Variants in PIK3R4 observed in about 807,000 individuals in gnomAD.
The protein encoded by PIK3R4 is phosphoinositide-3-kinase regulatory subunit 4.
A neutral mutation model predicts 136.5 loss-of-function variants in PIK3R4; 46 were observed. The ratio of observed to expected loss-of-function variants is 0.34; its 90% CI spans 0.27 to 0.43. The LOEUF (loss-of-function observed/expected upper bound fraction) is 0.43, where lower values mean the gene tolerates loss of function less well. PIK3R4 is among the 20% of genes least tolerant of loss of function. The pLI is 1.00. For synonymous variants in PIK3R4, 557 were observed against 566.7 expected (o/e 0.98, Z 0.24); for missense variants, 1,331 against 1,649.5 (o/e 0.81, Z 3.35).
chr3:130,702,215 G>A (rs560471748), intron 13 of PIK3R4, among the ~76,000 whole-genome samples: 2 of 152,144 alleles, frequency 1.3e-5, no homozygotes, highest in East Asian at 1.9e-4. Context: ...ATAAAACAGA[G>A]CAAATATAGT....
intron 13 of PIK3R4, 70 bp downstream of exon 13, chr3:130,703,653 T>C (rs375736133): frequency 7.7e-6 from 9 of 1,174,716 alleles, no homozygotes; most frequent in African/African-American, 3.0e-5. Flanking sequence ...GTGGTTATTA[T>C]AGAGTAAACA....
chr3:130,744,120 C>T (rs16831284), intron 2 of PIK3R4, among the ~76,000 whole-genome samples: 2,103 of 152,280 alleles, frequency 0.014, 36 homozygotes, highest in African/African-American at 0.033. Context: ...CTATGCTTAT[C>T]ACCACCACAG....
At chr3:130,686,101 G>T in intron 15 of PIK3R4, 110 bp downstream of exon 15, 5 of 527,838 alleles carry the variant, frequency 9.5e-6, no homozygotes, top group East Asian at 3.4e-5. Context: ...AAAAAAAAAA[G>T]ACGGGAAAAA....
intron 11 of PIK3R4, 102 bp from the exon 12 acceptor site, chr3:130,705,873 GTCC>G: frequency 1.6e-6 from 1 of 635,898 alleles, no homozygotes; most frequent in Non-Finnish European, 2.7e-6. Flanking sequence ...ACAGCTTTTT[GTCC>G]TCATTAATGT....
intron 9 of PIK3R4, 148 bp downstream of exon 9, chr3:130,716,248 G>C: frequency 1.6e-6 from 1 of 637,528 alleles, no homozygotes; most frequent in African/African-American, 1.8e-5. Flanking sequence ...GGAATCAAAA[G>C]CAAATGCCTA....
chr3:130,702,206 T>C (rs1337843602), intron 13 of PIK3R4, among the ~76,000 whole-genome samples: 1 of 152,106 alleles, frequency 6.6e-6, no homozygotes, highest in Non-Finnish European at 1.5e-5. Context: ...TGAATAGTTA[T>C]AAAACAGAGC....
At chr3:130,723,045 A>G (rs2066710574) in intron 7 of PIK3R4, among the ~76,000 whole-genome samples, 1 of 118,952 alleles carries the variant, frequency 8.4e-6, no homozygotes, top group South Asian at 3.4e-4. Flanking sequence ...CCTGGGTGAC[A>G]GAGTGAGAGA....
intron 9 of PIK3R4, among the ~76,000 whole-genome samples, chr3:130,709,528 T>C (rs1013145465): frequency 3.3e-5 from 5 of 152,234 alleles, no homozygotes; most frequent in Non-Finnish European, 7.4e-5. Flanking sequence ...AATAGACATA[T>C]TCTTGACTAA....
At position 130,744,565 on chromosome 3, in the gene PIK3R4, A is replaced by C. The variant is rs760425201; in HGVS notation, c.654T>G (p.Pro218=). The part of the protein sequence containing the change: ...FATELEYMRD[P]STPLVDLNSN... ...TATTTAAGTCTACAAGCGGAGTTGAAGGATCTCTCATATATTCTAACTCAG... is the reference window on the plus strand; with the variant it reads ...TATTTAAGTCTACAAGCGGAGTTGACGGATCTCTCATATATTCTAACTCAG... The change falls in exon 2 of 20, where the codon CCT becomes CCG. Residue 218 remains proline (P), a synonymous_variant. Coordinates refer to ENST00000356763, the MANE Select transcript of PIK3R4 (RefSeq NM_014602.3). 1.2e-5 allele frequency: 19 copies of C among 1,614,098 alleles called. No homozygotes were observed. Among genetic ancestry groups the C allele is most frequent in the Non-Finnish European group, 1.3e-5 (15 of 1,180,036 alleles).
At chr3:130,734,325 A>C (rs963266979) in intron 3 of PIK3R4, among the ~76,000 whole-genome samples, 195 bp from the exon 4 acceptor site, 3 of 152,200 alleles carry the variant, frequency 2.0e-5, no homozygotes, top group Non-Finnish European at 4.4e-5. Flanking sequence ...CTGACACATA[A>C]AGAGGAGGTT....
At chr3:130,716,978 C>G (rs1226631734) in intron 8 of PIK3R4, among the ~76,000 whole-genome samples, 2 of 152,174 alleles carry the variant, frequency 1.3e-5, no homozygotes, top group Admixed American at 1.3e-4. Context: ...GCTCAACAGC[C>G]ACAGGTCTTC....
At chr3:130,729,516 C>T (rs2066750586) in intron 5 of PIK3R4, among the ~76,000 whole-genome samples, 1 of 152,156 alleles carries the variant, frequency 6.6e-6, no homozygotes, top group African/African-American at 2.4e-5. Context: ...TTTATTATCT[C>T]AACAGGTCCA....
At chr3:130,731,308 T>A (rs2066758992) in intron 4 of PIK3R4, among the ~76,000 whole-genome samples, 1 of 152,164 alleles carries the variant, frequency 6.6e-6, no homozygotes. Context: ...ATAACCTTAC[T>A]TTTTCCTTGC....
At chr3:130,700,853 C>T (rs1337468125) in intron 13 of PIK3R4, among the ~76,000 whole-genome samples, 1 of 152,206 alleles carries the variant, frequency 6.6e-6, no homozygotes, top group Admixed American at 6.5e-5. Flanking sequence ...TTTTCTTACC[C>T]TCTTTCCCAA....
At chr3:130,740,610 C>T (rs932041691) in intron 2 of PIK3R4, among the ~76,000 whole-genome samples, 1 of 152,144 alleles carries the variant, frequency 6.6e-6, no homozygotes, top group East Asian at 1.9e-4. Context: ...CATGGTGGCA[C>T]ATGCCTGCAA....
At chr3:130,698,325 T>G (rs1024820295) in intron 13 of PIK3R4, among the ~76,000 whole-genome samples, 5 of 152,220 alleles carry the variant, frequency 3.3e-5, no homozygotes, top group Non-Finnish European at 7.3e-5. Context: ...CTGGAACTTT[T>G]ATTATGCATG....
Position 130,705,567 on chromosome 3 carries a change from G to T in PIK3R4, c.2926C>A (p.Pro976Thr). 1 of 1,606,320 alleles carries T rather than the reference G, an allele frequency of 6.2e-7. No homozygotes were observed. The highest frequency in any genetic ancestry group is 8.5e-7 in the Non-Finnish European group (1 of 1,173,198). Residue 976 changes from proline (P) to threonine (T), a missense_variant, in exon 12 of 20, where the codon CCA (proline) becomes ACA (threonine). By Grantham distance (38) the Pro-to-Thr change is conservative (BLOSUM62 -1). Around this residue, in one of 2 missense-constraint regions of PIK3R4, gnomAD observed 1,180 missense variants for 1,407.0 expected, o/e 0.84. Coordinates refer to ENST00000356763, the MANE Select transcript of PIK3R4 (RefSeq NM_014602.3). Reference sequence around the variant, plus strand: ...TTATCAACGGAACTTTTACCAGGTGGTGGTGGTTTACTCTCCCATTCAGCA... The same window carrying T: ...TTATCAACGGAACTTTTACCAGGTGTTGGTGGTTTACTCTCCCATTCAGCA... ...ENAEWESKPP[P>T]PGWRPKGLLV...
chr3:130,685,467 T>A (rs930446419), intron 15 of PIK3R4, among the ~76,000 whole-genome samples: 1 of 152,202 alleles, frequency 6.6e-6, no homozygotes, highest in African/African-American at 2.4e-5. Context: ...AATGGAAATA[T>A]ATGTCCTTAC....
chr3:130,697,275 G>A (rs917917289), intron 13 of PIK3R4, among the ~76,000 whole-genome samples: 14 of 151,948 alleles, frequency 9.2e-5, no homozygotes, highest in African/African-American at 3.1e-4. Context: ...GTTTTGCCAT[G>A]TTGGCCAGGC....
Sources: allele counts gnomAD v4.1 joint callset (sites outside exome capture counted in the v4.1 genomes callset), GRCh38; gene constraint gnomAD v4.1.1; regional missense constraint gnomAD v4.1.1; transcripts MANE v1.5; gene names NCBI Gene and HGNC (gene_info 2026-07-23, HGNC 2026-07-21).